Variants in RBBP8NL observed in about 807,000 individuals in gnomAD.
RBBP8NL encodes the protein RBBP8 N-terminal-like protein.
A neutral mutation model predicts 62.2 loss-of-function variants in RBBP8NL; 59 were observed. That is an observed-to-expected ratio of 0.95 (90% CI 0.77 to 1.18). The LOEUF is 1.18. RBBP8NL is among the 50% of genes most tolerant of loss of function. RBBP8NL has a pLI of 0.00. For synonymous variants in RBBP8NL, 412 were observed against 394.1 expected (o/e 1.05, Z -0.54); for missense variants, 896 against 899.5 (o/e 1.00, Z 0.05).
At chr20:62,412,588 G>T in intron 13 of RBBP8NL, 36 bp downstream of exon 13, 1 of 1,593,104 alleles carries the variant, frequency 6.3e-7, no homozygotes, top group Non-Finnish European at 8.5e-7. Context: ...GGCTCCCCTC[G>T]CCCCCTTCCC....
chr20:62,416,884 G>A lies in RBBP8NL; in HGVS notation c.201-12C>T. 6.5e-7 allele frequency: 1 copy of A among 1,534,768 alleles called. No individual in the cohort carries two copies. On this transcript the variant is annotated splice_polypyrimidine_tract_variant and intron_variant, in intron 4 of 13. Coordinates refer to ENST00000252998, the MANE Select transcript of RBBP8NL (RefSeq NM_080833.3). ...GGCCGGCCCGCAGCCTGCAGGGATG[G>A]GGACGCAGGGGGTGTGAGGGATGGC...
rs1314922194 is a variant in RBBP8NL, at chr20:62,415,918, C to T, written c.414G>A (p.Glu138=). ...GGGGTGAGGGGGGGTCCGAGGTGCC[C>T]TCCTTGGCCCGGGGCTTGGGCCTGT... ...LGDRPKPRAK[E]GTSDPPSPLL... is the part of the protein sequence containing the mutation. The change falls in exon 7 of 14, where the codon GAG becomes GAA. Residue 138 remains glutamate, a synonymous_variant. Transcript: ENST00000252998. 6.4e-7 allele frequency: 1 copy of T among 1,564,888 alleles called. No homozygotes were observed. The highest frequency in any genetic ancestry group is 8.6e-7 in the Non-Finnish European group (1 of 1,157,502).
chr20:62,415,222 A>C lies in RBBP8NL; in HGVS notation c.693T>G (p.Ala231=). Residue 231 remains alanine (A), a synonymous_variant, in exon 9 of 14, where the codon GCT becomes GCG. Transcript: ENST00000252998. ...TIAVVRPGSQ[A]CPADRGPANG... is the part of the protein sequence containing the mutation. ...TGGCGGGGCCTCGGTCGGCAGGGCA[A>C]GCCTGGGACCCAGGCCGCACCACGG... The C allele has an allele frequency of 6.5e-7, 1 of 1,539,056 alleles. No homozygotes were observed. The highest frequency in any genetic ancestry group is 8.7e-7 in the Non-Finnish European group (1 of 1,144,210).
chr20:62,412,768 G>A lies in RBBP8NL; in HGVS notation c.1747-15C>T, dbSNP rs192633436. The A allele has an allele frequency of 1.2e-6, 2 of 1,612,840 alleles. No individual in the cohort carries two copies. Among genetic ancestry groups the A allele is most frequent in the Non-Finnish European group, 1.7e-6 (2 of 1,179,994 alleles). Reference sequence around the variant, plus strand: ...CTCAGGCCCACCTGGGGAGAAGGGGGTGTGGTCACGAGGAGGACTGCCTCC... The same window carrying A: ...CTCAGGCCCACCTGGGGAGAAGGGGATGTGGTCACGAGGAGGACTGCCTCC... On this transcript the variant is annotated splice_polypyrimidine_tract_variant and intron_variant, in intron 12 of 13. Coordinates refer to ENST00000252998, the MANE Select transcript of RBBP8NL (RefSeq NM_080833.3).
intron 9 of RBBP8NL, 43 bp from the exon 10 acceptor site, chr20:62,414,599 C>T (rs750406688): frequency 4.4e-5 from 61 of 1,386,216 alleles, no homozygotes; most frequent in Non-Finnish European, 4.7e-5. Context: ...TGTGTGGAGC[C>T]GTGACCGTCC....
At chr20:62,412,527 T>C in intron 13 of RBBP8NL, 97 bp downstream of exon 13, 1 of 1,467,596 alleles carries the variant, frequency 6.8e-7, no homozygotes, top group Non-Finnish European at 9.3e-7. Context: ...GAGGCTGCCA[T>C]TCTCCAGGCA....
Position 62,415,201 on chromosome 20 carries a change from G to C in RBBP8NL, c.714C>G (p.Pro238=). ...GCAGTGGTGGGGGCGTCCCATTGGC[G>C]GGGCCTCGGTCGGCAGGGCAAGCCT... ...GSQACPADRG[P]ANGTPPPLPA... The change falls in exon 9 of 14, where the codon CCC becomes CCG. Residue 238 remains proline (P), a synonymous_variant. Transcript: ENST00000252998. The C allele has an allele frequency of 6.6e-7, 1 of 1,517,248 alleles. No homozygotes were observed. Among genetic ancestry groups the C allele is most frequent in the Non-Finnish European group, 8.8e-7 (1 of 1,132,050 alleles). The allele number at this position is 1,517,248 out of a possible 1,614,324, so 94.0% of individuals were successfully genotyped here. A position where few individuals can be genotyped will look rare whatever the true frequency, so the allele number is the denominator to read the frequency against.
At position 62,410,892 on chromosome 20, in the gene RBBP8NL, A is replaced by T. The variant is rs1400665220; in HGVS notation, c.1981T>A (p.Trp661Arg). ...GTGCAGGCTGGCTAGGTCTCCTCCC[A>T]GGGGCTGCTGTTGGGGGAGGGACTG... ...DHSPSPNSSP[W>R]EET The change falls in exon 14 of 14, where the codon TGG becomes AGG. Residue 661 changes from tryptophan to arginine, a missense_variant. Physicochemically the swap from Trp to Arg is moderately radical, Grantham distance 101. Transcript: ENST00000252998. 6.2e-7 allele frequency: 1 copy of T among 1,612,100 alleles called. No individual in the cohort carries two copies. The highest frequency in any genetic ancestry group is 1.7e-5 in the Admixed American group (1 of 59,962).
intron 5 of RBBP8NL, 28 bp from the exon 6 acceptor site, chr20:62,416,264 GC>G: frequency 2.0e-6 from 3 of 1,532,946 alleles, no homozygotes; most frequent in Non-Finnish European, 1.8e-6. Flanking sequence ...GAGCAAAGCA[GC>G]CAGGGGTTGG....
chr20:62,420,038 G>A (rs1303375888), intron 1 of RBBP8NL, among the ~76,000 whole-genome samples: 1 of 152,112 alleles, frequency 6.6e-6, no homozygotes, highest in Non-Finnish European at 1.5e-5. Flanking sequence ...GAGCCACCCC[G>A]TTCTCCCCAG....
intron 2 of RBBP8NL, among the ~76,000 whole-genome samples, chr20:62,419,238 G>A (rs1382186675): frequency 2.0e-5 from 3 of 152,196 alleles, no homozygotes; most frequent in African/African-American, 7.2e-5. Flanking sequence ...GCTGGAGGCC[G>A]GCCCACGGGA....
At position 62,418,534 on chromosome 20, in the gene RBBP8NL, G is replaced by A. The variant is rs924507461; in HGVS notation, c.62-69C>T. On this transcript the variant is annotated intron_variant, in intron 2 of 13. Coordinates refer to ENST00000252998, the MANE Select transcript of RBBP8NL (RefSeq NM_080833.3). ...GCTTCACCTTCAGTGTCCCCACCAC[G>A]GGGTCTGGGCAGAGCTGCAATGTGG... 5.6e-5 allele frequency: 80 copies of A among 1,440,150 alleles called. No homozygotes were observed. In the Middle Eastern group the frequency reaches 6.2e-4, roughly 11 times the overall value. The allele number at this position is 1,440,150 out of a possible 1,614,324, so 89.2% of individuals were successfully genotyped here. A position where few individuals can be genotyped will look rare whatever the true frequency, so the allele number is the denominator to read the frequency against.
rs1406864315 is a variant in RBBP8NL, at chr20:62,419,764, CAGGA to C, written c.-83-38_-83-35del. 6.2e-6 allele frequency: 7 copies of C among 1,129,826 alleles called. No individual in the cohort carries two copies. The East Asian group carries it at 1.4e-4, about 23-fold the overall frequency. 70.0% of individuals were successfully genotyped at this position (1,129,826 alleles called of 1,614,324 possible). ...GAGGAAGAGGGGACAGGGATCCGCTCAGGAAGGGCTTGTGGGCTGTGGAGTCCAG... is the reference window on the plus strand; with the variant it reads ...GAGGAAGAGGGGACAGGGATCCGCTCAGGGCTTGTGGGCTGTGGAGTCCAG... On this transcript the variant is annotated intron_variant, in intron 1 of 13. Transcript: ENST00000252998.
chr20:62,414,452 A>C lies in RBBP8NL; in HGVS notation c.899T>G (p.Leu300Arg). Reference sequence around the variant, plus strand: ...CAGGGGGCTGCTGTGGGGGCTCTGAAGGTGCAGGGACAGGGGGCGGTTTAG... The same window carrying C: ...CAGGGGGCTGCTGTGGGGGCTCTGACGGTGCAGGGACAGGGGGCGGTTTAG... ...CLLNRPLSLH[L>R]QSPHSSPLAP... Residue 300 changes from leucine (L) to arginine (R), a missense_variant, in exon 10 of 14, where the codon CTT becomes CGT. By Grantham distance (102) the Leu-to-Arg change is moderately radical. Coordinates refer to ENST00000252998, the MANE Select transcript of RBBP8NL (RefSeq NM_080833.3). 1 of 1,498,200 alleles carries C rather than the reference A, an allele frequency of 6.7e-7. No homozygotes were observed. Among genetic ancestry groups the C allele is most frequent in the Non-Finnish European group, 8.9e-7 (1 of 1,119,382 alleles). The allele number at this position is 1,498,200 out of a possible 1,614,324, so 92.8% of individuals were successfully genotyped here.
At chr20:62,416,286 G>T in intron 5 of RBBP8NL, 50 bp from the exon 6 acceptor site, 1 of 1,208,024 alleles carries the variant, frequency 8.3e-7, no homozygotes, top group Non-Finnish European at 1.2e-6. Flanking sequence ...GGGGGACAGG[G>T]GCAGGGGTGG....
intron 1 of RBBP8NL, among the ~76,000 whole-genome samples, chr20:62,426,108 G>A (rs183325302): frequency 2.0e-5 from 3 of 151,902 alleles, no homozygotes; most frequent in African/African-American, 7.2e-5. Context: ...CAGCGGCAGT[G>A]GCAGTGGCAT....
chr20:62,413,287 C>G (rs1988476837), intron 11 of RBBP8NL, 114 bp downstream of exon 11: 3 of 1,282,290 alleles, frequency 2.3e-6, no homozygotes, highest in African/African-American at 3.0e-5. Context: ...GTCAGATCGG[C>G]AGGGCAGAGC....
At chr20:62,418,487 C>CG (rs939777505) in intron 2 of RBBP8NL, 22 bp from the exon 3 acceptor site, 57 of 1,546,880 alleles carry the variant, frequency 3.7e-5, no homozygotes, top group Middle Eastern at 1.7e-4. Flanking sequence ...AGCAGAGGGG[C>CG]GGGGGGTCAG....
chr20:62,416,279 GGACAGGGGC>G, intron 5 of RBBP8NL, 43 bp from the exon 6 acceptor site: 3 of 1,247,612 alleles, frequency 2.4e-6, no homozygotes, highest in East Asian at 2.5e-5. Context: ...GGGTTGGGGG[GGACAGGGGC>G]AGGGGTGGGG....
Sources: gnomAD v4.1 joint callset for allele counts (sites outside exome capture counted in the v4.1 genomes callset) on GRCh38, gnomAD v4.1.1 for gene constraint, MANE v1.5 for transcripts, NCBI Gene and HGNC (gene_info 2026-07-23, HGNC 2026-07-21) for gene names.